Variants in MIPOL1 observed in about 807,000 individuals in gnomAD.
MIPOL1 encodes the protein mirror-image polydactyly 1.
In MIPOL1, 57 loss-of-function variants were observed where a neutral mutation model predicts 60.9. That is an observed-to-expected ratio of 0.94 (90% confidence interval 0.76 to 1.17). The LOEUF (loss-of-function observed/expected upper bound fraction) is 1.17, where lower values mean the gene tolerates loss of function less well. Ranked by LOEUF, MIPOL1 falls within the 50% of genes most tolerant of loss-of-function variation. MIPOL1 has a pLI of 0.00. For synonymous variants in MIPOL1, 179 were observed against 168.8 expected, an observed-to-expected ratio of 1.06 and a Z score of -0.47; for missense variants, 551 against 511.6, an observed-to-expected ratio of 1.08 and a Z score of -0.74.
chr14:37,399,673 T>G (rs955530687), intron 10 of MIPOL1: 1 of 152,176 alleles, frequency 6.6e-6, no homozygotes, highest in African/African-American at 2.4e-5. Context: ...GTTGTACACT[T>G]AAGTCACATC....
At chr14:37,457,224 A>G (rs1246291301) in intron 11 of MIPOL1, among the ~76,000 whole-genome samples, 3 of 152,188 alleles carry the variant, frequency 2.0e-5, no homozygotes, top group Admixed American at 6.5e-5. Context: ...GACTTTACCT[A>G]CAAGTGGGTG....
intron 1 of MIPOL1, among the ~76,000 whole-genome samples, chr14:37,244,492 T>G (rs966911088): frequency 2.0e-5 from 3 of 152,048 alleles, no homozygotes; most frequent in African/African-American, 7.2e-5. Context: ...AGGAATTTAT[T>G]ATGGAGAATA....
At chr14:37,534,506 TC>T (rs2095497094) in intron 12 of MIPOL1, among the ~76,000 whole-genome samples, 1 of 152,184 alleles carries the variant, frequency 6.6e-6, no homozygotes, top group South Asian at 2.1e-4. Context: ...TGATATTTAT[TC>T]ATAAGCAATA....
At chr14:37,461,491 A>G (rs1231004301) in intron 11 of MIPOL1, among the ~76,000 whole-genome samples, 1 of 152,166 alleles carries the variant, frequency 6.6e-6, no homozygotes, top group African/African-American at 2.4e-5. Flanking sequence ...TGGTAGGGAC[A>G]CAGAGCCAAA....
intron 12 of MIPOL1, among the ~76,000 whole-genome samples, chr14:37,542,003 C>G (rs893852788): frequency 1.3e-5 from 2 of 152,190 alleles, no homozygotes; most frequent in African/African-American, 4.8e-5. Flanking sequence ...CTACAGTTCT[C>G]TTTACATCCT....
At chr14:37,413,034 T>C (rs971558481) in intron 10 of MIPOL1, among the ~76,000 whole-genome samples, 23 of 152,032 alleles carry the variant, frequency 1.5e-4, no homozygotes, top group Admixed American at 4.6e-4. Context: ...TTGGCTAAAG[T>C]GAGTGTGAAG....
rs939474338 is a variant in MIPOL1, at chr14:37,275,171, T to C, written c.493+4646T>C. 2.0e-5 allele frequency among the ~76,000 whole-genome samples: 3 copies of C among 151,332 alleles called. No homozygotes were observed. In the South Asian group the frequency reaches 6.2e-4, roughly 31 times the overall value. On this transcript the variant is annotated intron_variant, in intron 6 of 12. Transcript: ENST00000684589. ...TGTAATAAATAATTCTTATTTAGTC[T>C]TAGGAAAGCTGAAATGACCATCTCA... is the stretch of plus-strand genomic sequence containing the variant.
intron 7 of MIPOL1, among the ~76,000 whole-genome samples, chr14:37,307,143 G>A (rs888812775): frequency 6.6e-6 from 1 of 151,634 alleles, no homozygotes; most frequent in African/African-American, 2.4e-5. Context: ...CTATTTTATG[G>A]TAAATGTCAA....
chr14:37,359,398 A>G (rs944962026), intron 9 of MIPOL1, among the ~76,000 whole-genome samples: 3 of 152,280 alleles, frequency 2.0e-5, no homozygotes, highest in South Asian at 2.1e-4. Flanking sequence ...TGATGCGGAT[A>G]GCATTGAATC....
chr14:37,481,142 G>C (rs552898378), intron 11 of MIPOL1, among the ~76,000 whole-genome samples: 3 of 152,102 alleles, frequency 2.0e-5, no homozygotes, highest in Middle Eastern at 3.4e-3. Context: ...TCCTCTAAAA[G>C]AGCAAAAACA....
At chr14:37,499,012 A>G (rs2095174182) in intron 11 of MIPOL1, among the ~76,000 whole-genome samples, 1 of 152,100 alleles carries the variant, frequency 6.6e-6, no homozygotes, top group Non-Finnish European at 1.5e-5. Flanking sequence ...TTTACTTCAA[A>G]TGTCTCCAAT....
chr14:37,279,297 AAAG>A (rs2083910537), intron 6 of MIPOL1, among the ~76,000 whole-genome samples: 1 of 150,636 alleles, frequency 6.6e-6, no homozygotes, highest in South Asian at 2.1e-4. Context: ...CATTTAATAA[AAAG>A]AAAGAAGCAT....
chr14:37,421,427 A>G (rs1244966712), intron 10 of MIPOL1, among the ~76,000 whole-genome samples: 1 of 152,124 alleles, frequency 6.6e-6, no homozygotes, highest in Non-Finnish European at 1.5e-5. Flanking sequence ...TTGACCTGCC[A>G]TTAGTCACAG....
chr14:37,411,876 C>T (rs1192974338), intron 10 of MIPOL1, among the ~76,000 whole-genome samples: 1 of 152,094 alleles, frequency 6.6e-6, no homozygotes, highest in East Asian at 1.9e-4. Context: ...TCAGTTACTT[C>T]ATAATAATAT....
chr14:37,542,306 T>TA (rs1244910528), intron 12 of MIPOL1, among the ~76,000 whole-genome samples: 9 of 152,176 alleles, frequency 5.9e-5, no homozygotes, highest in African/African-American at 2.2e-4. Context: ...TTTCTTTATA[T>TA]ATTTGTTGTC....
intron 9 of MIPOL1, among the ~76,000 whole-genome samples, chr14:37,319,024 A>G (rs1056389261): frequency 1.3e-5 from 2 of 152,084 alleles, no homozygotes; most frequent in South Asian, 2.1e-4. Context: ...TATTTTTTGT[A>G]GAGACGGGGT....
At chr14:37,446,672 C>T (rs1241110942) in intron 11 of MIPOL1, among the ~76,000 whole-genome samples, 3 of 152,140 alleles carry the variant, frequency 2.0e-5, no homozygotes, top group Non-Finnish European at 4.4e-5. Context: ...TTGGAACCAA[C>T]CCAAATGTCC....
intron 6 of MIPOL1, among the ~76,000 whole-genome samples, chr14:37,282,444 CA>C (rs759813058): frequency 1.2e-4 from 18 of 151,774 alleles, no homozygotes; most frequent in Non-Finnish European, 2.1e-4. Context: ...TACAGTTAAT[CA>C]AGATAGTTAT....
chr14:37,458,726 C>T (rs909451806), intron 11 of MIPOL1, among the ~76,000 whole-genome samples: 3 of 152,012 alleles, frequency 2.0e-5, no homozygotes, highest in African/African-American at 4.8e-5. Flanking sequence ...TGGCACATGC[C>T]TGTAGTCCCA....
Sources: gnomAD v4.1 joint callset for allele counts (sites outside exome capture counted in the v4.1 genomes callset) on GRCh38, gnomAD v4.1.1 for gene constraint, MANE v1.5 for transcripts, NCBI Gene and HGNC (gene_info 2026-07-23, HGNC 2026-07-21) for gene names.